Variants in AFF3 observed in about 807,000 individuals in gnomAD.
AFF3 encodes AF4/FMR2 family member 3.
AFF3 carries 32 observed loss-of-function variants against 129.7 expected under a neutral mutation model. That is an observed-to-expected ratio of 0.25 (90% confidence interval 0.19 to 0.33). The LOEUF (loss-of-function observed/expected upper bound fraction) is 0.33, where lower values mean the gene tolerates loss of function less well. Ranked by LOEUF, AFF3 falls within the 10% of genes least tolerant of loss-of-function variation. The probability of loss-of-function intolerance (pLI) is 1.00; values close to 1 mark genes in which losing one functional copy is unlikely to be tolerated. For synonymous variants in AFF3, 644 were observed against 635.4 expected, an observed-to-expected ratio of 1.01 and a Z score of -0.20; for missense variants, 1,373 against 1,592.0, an observed-to-expected ratio of 0.86 and a Z score of 2.34.
intron 8 of AFF3, among the ~76,000 whole-genome samples, chr2:99,778,895 CGCGTGTGTGTGTGT>C (rs1448427838): frequency 4.2e-4 from 57 of 137,200 alleles, no homozygotes; most frequent in Middle Eastern, 3.5e-3. Context: ...TGTGTGTGTG[CGCGTGTGTGTGTGT>C]GTGTGTGTGT....
intron 4 of AFF3, among the ~76,000 whole-genome samples, chr2:100,091,504 T>C (rs1689851856): frequency 8.4e-6 from 1 of 118,856 alleles, no homozygotes; most frequent in South Asian, 3.5e-4. Flanking sequence ...TTACAGATAG[T>C]ATGACATAGA....
At chr2:99,729,459 C>A (rs1230704563) in intron 10 of AFF3, among the ~76,000 whole-genome samples, 19 of 152,060 alleles carry the variant, frequency 1.2e-4, no homozygotes. Context: ...GTGTTCTCAG[C>A]AAATTCAGTG....
intron 13 of AFF3, among the ~76,000 whole-genome samples, chr2:99,625,520 T>C (rs1682458265): frequency 6.6e-6 from 1 of 152,192 alleles, no homozygotes; most frequent in Admixed American, 6.5e-5. Flanking sequence ...GGAAGATAAA[T>C]GACACCTGGA....
chr2:100,076,732 C>G (rs1029698129), intron 4 of AFF3, among the ~76,000 whole-genome samples: 2 of 152,136 alleles, frequency 1.3e-5, no homozygotes, highest in African/African-American at 2.4e-5. Context: ...GGGACCGGAA[C>G]AGTAAAGCTG....
At chr2:100,132,728 T>G (rs944012039) in intron 1 of AFF3, among the ~76,000 whole-genome samples, 1 of 152,282 alleles carries the variant, frequency 6.6e-6, no homozygotes, top group South Asian at 2.1e-4. Flanking sequence ...CTAATCTAAT[T>G]TGAAGACTTA....
At chr2:100,028,101 A>C (rs1234871942) in intron 4 of AFF3, among the ~76,000 whole-genome samples, 1 of 152,218 alleles carries the variant, frequency 6.6e-6, no homozygotes, top group East Asian at 1.9e-4. Context: ...TTTTACCTGC[A>C]AAGTTGAAAC....
intron 4 of AFF3, among the ~76,000 whole-genome samples, chr2:100,040,143 C>T (rs878961205): frequency 1.3e-5 from 2 of 152,142 alleles, no homozygotes; most frequent in East Asian, 1.9e-4. Flanking sequence ...CCCCTTTTCA[C>T]GACCCTCCAC....
chr2:99,813,620 G>A (rs1314899795), intron 8 of AFF3, among the ~76,000 whole-genome samples: 1 of 152,100 alleles, frequency 6.6e-6, no homozygotes, highest in Non-Finnish European at 1.5e-5. Context: ...TAAAAAATAT[G>A]AAAAAGAATC....
chr2:99,552,392 A>C (rs554720774), intron 24 of AFF3, among the ~76,000 whole-genome samples: 1 of 152,284 alleles, frequency 6.6e-6, no homozygotes, highest in South Asian at 2.1e-4. Context: ...TCCGCCTCAA[A>C]AACAAACAAA....
chr2:99,679,050 GC>G (rs1199833181), intron 11 of AFF3, among the ~76,000 whole-genome samples: 1 of 152,216 alleles, frequency 6.6e-6, no homozygotes, highest in Admixed American at 6.5e-5. Flanking sequence ...GCAATTTAGT[GC>G]ATCCAAGGCA....
intron 8 of AFF3, among the ~76,000 whole-genome samples, chr2:99,796,342 T>C (rs1454799876): frequency 6.6e-6 from 1 of 152,218 alleles, no homozygotes; most frequent in Non-Finnish European, 1.5e-5. Flanking sequence ...CTCTTCAATT[T>C]ATTACATTGT....
chr2:100,007,133 T>A lies in AFF3; in HGVS notation c.487+15A>T, dbSNP rs766007352. 6.2e-7 allele frequency: 1 copy of A among 1,612,654 alleles called. No homozygotes were observed. The highest frequency in any genetic ancestry group is 8.5e-7 in the Non-Finnish European group (1 of 1,179,134). On this transcript the variant is annotated intron_variant, in intron 6 of 24. Transcript: ENST00000672756. ...GCAGATTTGTGCAAATCAAGCAACC[T>A]GTGCCTGTGCTTACTTGCTCTCTGT...
At chr2:100,065,817 T>C (rs1687678302) in intron 4 of AFF3, among the ~76,000 whole-genome samples, 1 of 152,212 alleles carries the variant, frequency 6.6e-6, no homozygotes. Context: ...TCTAAATGCA[T>C]TATCTTCAAG....
intron 12 of AFF3, among the ~76,000 whole-genome samples, chr2:99,653,439 C>T (rs1468257341): frequency 6.6e-6 from 1 of 152,238 alleles, no homozygotes; most frequent in African/African-American, 2.4e-5. Flanking sequence ...TTCTCTCCCA[C>T]CTCCAAACAA....
At chr2:99,962,545 T>C (rs1677328886) in intron 7 of AFF3, among the ~76,000 whole-genome samples, 1 of 151,706 alleles carries the variant, frequency 6.6e-6, no homozygotes, top group African/African-American at 2.4e-5. Context: ...AAAACCAAAA[T>C]CTCAGCTGAA....
chr2:99,697,591 T>C (rs1474991539), intron 11 of AFF3, among the ~76,000 whole-genome samples: 2 of 152,252 alleles, frequency 1.3e-5, no homozygotes, highest in Non-Finnish European at 2.9e-5. Flanking sequence ...CATTCTGCTC[T>C]TGCAGAAAGG....
At chr2:99,898,609 C>T (rs1694140583) in intron 7 of AFF3, among the ~76,000 whole-genome samples, 1 of 152,186 alleles carries the variant, frequency 6.6e-6, no homozygotes, top group Non-Finnish European at 1.5e-5. Flanking sequence ...CAGTCTTGTC[C>T]ACAGTCCTGC....
At chr2:99,559,057 A>T in intron 21 of AFF3, 89 bp from the exon 22 acceptor site, 2 of 1,130,460 alleles carry the variant, frequency 1.8e-6, no homozygotes, top group Non-Finnish European at 2.6e-6. Context: ...GTTCTAAGGT[A>T]CTCAATAACA....
chr2:99,876,432 T>A (rs577988721), intron 7 of AFF3, among the ~76,000 whole-genome samples: 1 of 152,268 alleles, frequency 6.6e-6, no homozygotes, highest in East Asian at 1.9e-4. Flanking sequence ...ATTCACTTCA[T>A]CAGTAAGTCA....
Sources: gnomAD v4.1 joint callset for allele counts (sites outside exome capture counted in the v4.1 genomes callset) on GRCh38, gnomAD v4.1.1 for gene constraint, MANE v1.5 for transcripts, NCBI Gene and HGNC (gene_info 2026-07-23, HGNC 2026-07-21) for gene names.